OTOF: variants seen among roughly 807,000 people sequenced by gnomAD.
OTOF encodes fer-1-like family member 2.
In OTOF, 218 loss-of-function variants were observed where a neutral mutation model predicts 236.8. That is an observed-to-expected ratio of 0.92 (90% CI 0.82 to 1.03). OTOF has a LOEUF of 1.03. OTOF is among the 50% of genes least tolerant of loss of function. OTOF has a pLI of 0.00. For missense variants in OTOF, 2,590 were observed against 2,694.4 expected, an observed-to-expected ratio of 0.96 and a Z score of 0.86; for synonymous variants, 1,041 against 1,072.5, an observed-to-expected ratio of 0.97 and a Z score of 0.57.
intron 2 of OTOF, among the ~76,000 whole-genome samples, chr2:26,532,647 A>G (rs1361808690): frequency 6.6e-6 from 1 of 152,118 alleles, no homozygotes. Context: ...GGTAGTACAG[A>G]TAGGGAGGGA....
In OTOF at chr2:26,472,517, A is replaced by C; in HGVS notation, c.3864+2T>G. ...GCAGGGGGCTGACCCCACCCGCCTT[A>C]CCGCGTCCAGCTTCACCATGGTCTC... On this transcript the variant is annotated splice_donor_variant, in intron 30 of 46. Transcript: ENST00000272371. LOFTEE classifies it high-confidence loss of function. The C allele has an allele frequency of 1.2e-6, 2 of 1,613,416 alleles. No individual in the cohort carries two copies. Among genetic ancestry groups the C allele is most frequent in the Non-Finnish European group, 1.7e-6 (2 of 1,179,992 alleles).
chr2:26,532,566 A>G (rs1339697809), intron 2 of OTOF, among the ~76,000 whole-genome samples: 1 of 152,208 alleles, frequency 6.6e-6, no homozygotes, highest in African/African-American at 2.4e-5. Context: ...ATGGTCCTGG[A>G]TAGTTCTGGA....
intron 3 of OTOF, among the ~76,000 whole-genome samples, chr2:26,523,850 G>A (rs923205245): frequency 1.3e-5 from 2 of 152,244 alleles, no homozygotes; most frequent in East Asian, 3.9e-4. Context: ...CCATGTGGGG[G>A]TTGAGGGCAG....
Position 26,464,084 on chromosome 2 carries a change from C to A in OTOF, c.4983G>T (p.Glu1661Asp). ...GCCTCAGGGCCAACAGCGCCACATG[C>A]TCGTCTGTGGGCTTCCTCTGACCTG... ...DENGQRKPTD[E>D]HVALLALRHW... Residue 1661 changes from glutamate (E) to aspartate (D), a missense_variant, in exon 40 of 47, where the codon GAG (glutamate) becomes GAT (aspartate). Glu to Asp is a conservative substitution (Grantham distance 45). Transcript: ENST00000272371. 6.2e-7 allele frequency: 1 copy of A among 1,613,642 alleles called. No individual in the cohort carries two copies. Among genetic ancestry groups the A allele is most frequent in the East Asian group, 2.2e-5 (1 of 44,884 alleles).
chr2:26,521,685 C>T (rs1374193613), intron 3 of OTOF, among the ~76,000 whole-genome samples: 1 of 152,208 alleles, frequency 6.6e-6, no homozygotes, highest in Non-Finnish European at 1.5e-5. Flanking sequence ...ACTCTTCCTA[C>T]CCTGGTCCAA....
Position 26,458,079 on chromosome 2 carries a change from G to A in OTOF, c.*159C>T, listed in dbSNP as rs1223998856. The A allele has an allele frequency of 6.2e-7, 1 of 1,614,194 alleles. No homozygotes were observed. The highest frequency in any genetic ancestry group is 1.1e-5 in the South Asian group (1 of 91,092). ...GCTTTTTGACCATGTAGCCAGGGAGGCTGTAGAGGAAGAGCCCCAACATGA... is the reference window on the plus strand; with the variant it reads ...GCTTTTTGACCATGTAGCCAGGGAGACTGTAGAGGAAGAGCCCCAACATGA... On this transcript the variant is annotated 3_prime_UTR_variant, in exon 47 of 47. Transcript: ENST00000272371.
At chr2:26,525,825 G>T (rs113623367) in intron 3 of OTOF, among the ~76,000 whole-genome samples, 96 of 152,106 alleles carry the variant, frequency 6.3e-4, no homozygotes, top group Non-Finnish European at 9.4e-4. Context: ...GGTGGCTCAC[G>T]CCTGTAATCC....
chr2:26,529,357 A>G (rs1666885520), intron 2 of OTOF, among the ~76,000 whole-genome samples: 1 of 152,226 alleles, frequency 6.6e-6, no homozygotes, highest in Non-Finnish European at 1.5e-5. Flanking sequence ...ATAAATAATA[A>G]TAGTAATAAT....
At chr2:26,472,785 G>A in intron 29 of OTOF, 136 bp from the exon 30 acceptor site, 1 of 892,322 alleles carries the variant, frequency 1.1e-6, no homozygotes, top group Non-Finnish European at 1.8e-6. Flanking sequence ...GCAGTCAAGG[G>A]AGAAAATATG....
chr2:26,523,496 C>T (rs1666729490), intron 3 of OTOF, among the ~76,000 whole-genome samples: 1 of 152,180 alleles, frequency 6.6e-6, no homozygotes, highest in Non-Finnish European at 1.5e-5. Flanking sequence ...GGGACCCACT[C>T]TCCCAGGCAG....
intron 1 of OTOF, among the ~76,000 whole-genome samples, chr2:26,541,853 A>G (rs192523054): frequency 2.0e-3 from 304 of 152,346 alleles, no homozygotes; most frequent in Middle Eastern, 3.4e-3. Flanking sequence ...GCTGTTGTGG[A>G]TCGAGTGAGA....
rs59471147 is a variant in OTOF at position 26,497,397 on chromosome 2, T to C, written c.766-2324A>G. 9.5e-3 allele frequency among the ~76,000 whole-genome samples: 1,454 copies of C among 152,302 alleles called. 21 individuals are homozygous for C. Among genetic ancestry groups the C allele is most frequent in the African/African-American group, 0.033 (1,354 of 41,566 alleles). ...GGCGTGAGCCACTGAGCCCGGCACA[T>C]TCTTCTAATGCGACTCCGAAGGTTG... On this transcript the variant is annotated intron_variant, in intron 8 of 46. Transcript: ENST00000272371.
At chr2:26,472,924 C>G (rs745901383) in intron 29 of OTOF, among the ~76,000 whole-genome samples, 15 of 152,198 alleles carry the variant, frequency 9.9e-5, no homozygotes, top group Non-Finnish European at 1.8e-4. Flanking sequence ...CAGGCCCCCC[C>G]AGGCTGTCTC....
intron 10 of OTOF, 45 bp downstream of exon 10, chr2:26,489,633 G>A (rs1376466403): frequency 6.5e-7 from 1 of 1,533,154 alleles, no homozygotes; most frequent in South Asian, 1.1e-5. Context: ...CAAAGGTGCA[G>A]TTTGAGGGAG....
At chr2:26,511,550 T>A (rs1404213830) in intron 5 of OTOF, among the ~76,000 whole-genome samples, 1 of 152,230 alleles carries the variant, frequency 6.6e-6, no homozygotes, top group African/African-American at 2.4e-5. Context: ...TGACTGCATA[T>A]CCTGATGGCT....
intron 32 of OTOF, among the ~76,000 whole-genome samples, 197 bp from the exon 33 acceptor site, chr2:26,468,671 T>C (rs1296618288): frequency 6.6e-6 from 1 of 152,216 alleles, no homozygotes; most frequent in Non-Finnish European, 1.5e-5. Flanking sequence ...TAGTGGTACT[T>C]AGGGGTTTAT....
At position 26,462,028 on chromosome 2, in the gene OTOF, C is replaced by T. The variant is rs1049264964; in HGVS notation, c.5291+55G>A. 26 of 1,612,220 alleles carry T rather than the reference C, an allele frequency of 1.6e-5. No individual in the cohort carries two copies. The highest frequency in any genetic ancestry group is 1.7e-4 in the Middle Eastern group (1 of 5,846). ...TCCCTCTGCCTCCTCTCCTGCCCCC[C>T]GGGAAGCAAGCCCCACCCAGCTCAG... On this transcript the variant is annotated intron_variant, in intron 42 of 46. Coordinates refer to ENST00000272371, the MANE Select transcript of OTOF (RefSeq NM_194248.3). This position sits in a 1 kb window ranked among gnomAD's most constrained non-coding sequence, Gnocchi z 4.7.
intron 2 of OTOF, among the ~76,000 whole-genome samples, chr2:26,528,771 G>C (rs7556891): frequency 0.2 from 29,716 of 152,170 alleles, 3,568 homozygotes; most frequent in African/African-American, 0.34. Flanking sequence ...CCACCTTCCT[G>C]GGATGGGAAA....
At chr2:26,535,107 ACCATTGGTGG>A (rs1667038822) in intron 2 of OTOF, among the ~76,000 whole-genome samples, 1 of 152,162 alleles carries the variant, frequency 6.6e-6, no homozygotes, top group Non-Finnish European at 1.5e-5. Context: ...TGCACTGCTG[ACCATTGGTGG>A]CCAGGGCTGA....
Sources: gnomAD v4.1 joint callset for allele counts (sites outside exome capture counted in the v4.1 genomes callset) on GRCh38, gnomAD v4.1.1 for gene constraint, Gnocchi (gnomAD v3.1) non-coding constraint, MANE v1.5 for transcripts, NCBI Gene and HGNC (gene_info 2026-07-23, HGNC 2026-07-21) for gene names.